Variants in KCNT2 observed in about 807,000 individuals in gnomAD.
KCNT2 encodes potassium sodium-activated channel subfamily T member 2, also known as potassium channel subfamily T member 2.
In KCNT2, 67 loss-of-function variants were observed where a neutral mutation model predicts 153.8. That is an observed-to-expected ratio of 0.44 (90% CI 0.36 to 0.53). The LOEUF (loss-of-function observed/expected upper bound fraction) is 0.53. Among genes scored for constraint, KCNT2 ranks in the 20% least tolerant of loss-of-function variants. The pLI, the probability that KCNT2 is intolerant of heterozygous loss-of-function variation, is 0.00. For synonymous variants in KCNT2, 500 were observed against 458.8 expected (o/e 1.09, Z -1.15); for missense variants, 975 against 1,354.8 (o/e 0.72, Z 4.40).
chr1:196,529,498 C>A (rs1654670017), intron 1 of KCNT2, among the ~76,000 whole-genome samples: 1 of 152,090 alleles, frequency 6.6e-6, no homozygotes, highest in South Asian at 2.1e-4. Flanking sequence ...TGCTCAGATA[C>A]TTGTTCAAGA....
intron 8 of KCNT2, among the ~76,000 whole-genome samples, chr1:196,454,830 G>T (rs140620475): frequency 9.2e-5 from 14 of 152,022 alleles, no homozygotes; most frequent in African/African-American, 3.1e-4. Context: ...GTCTAGGTAG[G>T]CTCAGCCGGT....
At chr1:196,298,817 G>C (rs984392837) in intron 22 of KCNT2, among the ~76,000 whole-genome samples, 2 of 147,152 alleles carry the variant, frequency 1.4e-5, no homozygotes, top group African/African-American at 5.1e-5. Flanking sequence ...TGGTTGGAAA[G>C]TATGAATAAC....
At chr1:196,492,621 TTAA>T (rs1679945172) in intron 1 of KCNT2, among the ~76,000 whole-genome samples, 2 of 152,160 alleles carry the variant, frequency 1.3e-5, no homozygotes, top group Admixed American at 1.3e-4. Context: ...ATTATTTGTA[TTAA>T]TGAATATAAT....
chr1:196,311,864 A>T (rs1662216968), intron 21 of KCNT2, among the ~76,000 whole-genome samples: 1 of 151,776 alleles, frequency 6.6e-6, no homozygotes, highest in Non-Finnish European at 1.5e-5. Flanking sequence ...ACCAAGTGGG[A>T]TATTTTGGTA....
chr1:196,409,352 C>T (rs977258278), intron 12 of KCNT2, among the ~76,000 whole-genome samples: 2 of 151,320 alleles, frequency 1.3e-5, no homozygotes, highest in Non-Finnish European at 3.0e-5. Flanking sequence ...CTAAGGTTTA[C>T]AACATACACC....
chr1:196,448,848 A>G (rs1675914491), intron 8 of KCNT2, among the ~76,000 whole-genome samples: 1 of 151,722 alleles, frequency 6.6e-6, no homozygotes. Context: ...AGATAGCTGT[A>G]TATAAATATG....
At chr1:196,472,587 G>C (rs973099944) in intron 5 of KCNT2, among the ~76,000 whole-genome samples, 1 of 152,106 alleles carries the variant, frequency 6.6e-6, no homozygotes, top group South Asian at 2.1e-4. Context: ...TTAATCCACT[G>C]ATTCACATCA....
chr1:196,324,038 C>T (rs2148058967), intron 19 of KCNT2, among the ~76,000 whole-genome samples: 1 of 151,394 alleles, frequency 6.6e-6, no homozygotes, highest in South Asian at 2.1e-4. Context: ...TTTCCTCATT[C>T]TTAACCAAAG....
At chr1:196,527,023 C>T (rs1654317649) in intron 1 of KCNT2, among the ~76,000 whole-genome samples, 1 of 152,076 alleles carries the variant, frequency 6.6e-6, no homozygotes, top group Non-Finnish European at 1.5e-5. Flanking sequence ...GTGAACTGTG[C>T]ATGTAAGGGA....
At position 196,521,331 on chromosome 1, in the gene KCNT2, G is replaced by A. The variant is rs140292789; in HGVS notation, c.96-28990C>T. On this transcript the variant is annotated intron_variant, in intron 1 of 27. Transcript: ENST00000294725. ...GGTGAGGTTGTGGAGAAAAGAGAAC[G>A]CTTATACATTGATGGTGGGAGTGTA... Among the ~76,000 whole-genome samples, 211 of 152,218 alleles carry A rather than the reference G, an allele frequency of 1.4e-3. 2 individuals carry two copies. The highest frequency in any genetic ancestry group is 4.5e-3 in the African/African-American group (188 of 41,546).
chr1:196,469,846 G>A (rs759069278), intron 5 of KCNT2, among the ~76,000 whole-genome samples: 3 of 152,116 alleles, frequency 2.0e-5, no homozygotes, highest in Non-Finnish European at 4.4e-5. Flanking sequence ...TCCTAAAGCA[G>A]TTTATTCTTC....
At chr1:196,325,721 T>TA (rs1417727684) in intron 19 of KCNT2, among the ~76,000 whole-genome samples, 1 of 152,122 alleles carries the variant, frequency 6.6e-6, no homozygotes, top group Non-Finnish European at 1.5e-5. Flanking sequence ...AGTCATTGAG[T>TA]AATCATATCT....
chr1:196,486,335 A>G (rs533333288), intron 3 of KCNT2, among the ~76,000 whole-genome samples: 12 of 152,020 alleles, frequency 7.9e-5, no homozygotes, highest in African/African-American at 1.4e-4. Flanking sequence ...AAAAATGCAA[A>G]GCAAAACCCA....
At chr1:196,323,341 C>T (rs866327599) in intron 19 of KCNT2, among the ~76,000 whole-genome samples, 1 of 151,868 alleles carries the variant, frequency 6.6e-6, no homozygotes, top group African/African-American at 2.4e-5. Flanking sequence ...CCTTATGTAG[C>T]TTTGGATAAT....
At chr1:196,460,221 A>C (rs1572530870) in intron 8 of KCNT2, among the ~76,000 whole-genome samples, 1 of 151,810 alleles carries the variant, frequency 6.6e-6, no homozygotes, top group African/African-American at 2.4e-5. Context: ...TTAAATTAAA[A>C]AGTTGCAAAA....
chr1:196,426,042 C>A (rs1673630725), intron 10 of KCNT2, 54 bp from the exon 11 acceptor site: 4 of 1,356,196 alleles, frequency 2.9e-6, no homozygotes, highest in East Asian at 2.4e-5. Context: ...TTATGTTACA[C>A]TACATAGAAA....
chr1:196,524,373 A>T (rs990483863), intron 1 of KCNT2, among the ~76,000 whole-genome samples: 15 of 152,212 alleles, frequency 9.9e-5, no homozygotes, highest in African/African-American at 3.6e-4. Context: ...AAGGGGGGAA[A>T]AAAAGTGGTT....
At chr1:196,292,884 A>T (rs1191695452) in intron 22 of KCNT2, among the ~76,000 whole-genome samples, 1 of 151,574 alleles carries the variant, frequency 6.6e-6, no homozygotes, top group Non-Finnish European at 1.5e-5. Flanking sequence ...CTTACAGTAT[A>T]TTGAAACCTT....
intron 8 of KCNT2, among the ~76,000 whole-genome samples, chr1:196,454,244 C>T (rs977796400): frequency 2.0e-5 from 3 of 151,826 alleles, no homozygotes; most frequent in African/African-American, 4.8e-5. Flanking sequence ...ATTTTAGGTA[C>T]TGAGGGTACA....
Sources: gnomAD v4.1 joint callset for allele counts (sites outside exome capture counted in the v4.1 genomes callset) on GRCh38, gnomAD v4.1.1 for gene constraint, MANE v1.5 for transcripts, NCBI Gene and HGNC (gene_info 2026-07-23, HGNC 2026-07-21) for gene names.